The following ERC2 variants were observed in gnomAD, a reference collection of about 807,000 sequenced individuals.
ERC2 encodes ERC protein 2.
In ERC2, 42 loss-of-function variants were observed where a neutral mutation model predicts 114.8. The ratio of observed to expected loss-of-function variants is 0.37; its 90% CI spans 0.29 to 0.47. The LOEUF (loss-of-function observed/expected upper bound fraction) is 0.47. Among genes scored for constraint, ERC2 ranks in the 20% least tolerant of loss-of-function variants. ERC2 has a pLI of 0.99. For synonymous variants in ERC2, 454 were observed against 425.5 expected (o/e 1.07, Z -0.82); for missense variants, 939 against 1,150.7 (o/e 0.82, Z 2.66).
At chr3:55,653,102 T>C (rs2060707471) in intron 17 of ERC2, among the ~76,000 whole-genome samples, 1 of 152,166 alleles carries the variant, frequency 6.6e-6, no homozygotes, top group Non-Finnish European at 1.5e-5. Flanking sequence ...TAAATCTTGG[T>C]GGTAGGTGAA....
Position 56,019,004 on chromosome 3 carries a change from C to G in ERC2, c.1669G>C (p.Asp557His). The G allele has an allele frequency of 6.2e-7, 1 of 1,611,896 alleles. No homozygotes were observed. Among genetic ancestry groups the G allele is most frequent in the Non-Finnish European group, 8.5e-7 (1 of 1,178,974 alleles). ...KIENLQEQLR[D>H]KDKQLTNLKD... ...AGGTTGGTCAGTTGCTTGTCTTTAT[C>G]CCTAAGTTGTTCTTGCAAGTTTTCA... is the stretch of plus-strand genomic sequence containing the variant. The change falls in exon 8 of 18, where the codon GAT (aspartate) becomes CAT (histidine). Residue 557 changes from aspartate to histidine, a missense_variant. Asp to His is a moderately conservative substitution (Grantham distance 81). Transcript: ENST00000288221.
rs992980472 is a variant in ERC2 at position 55,549,477 on chromosome 3, C to T, written c.*40-38201G>A. Reference sequence around the variant, plus strand: ...AGATGCGGAGCAAATGCCGCCTTACCTTTTTTTTTTTTTTTTTTTTCCTGT... The same window carrying T: ...AGATGCGGAGCAAATGCCGCCTTACTTTTTTTTTTTTTTTTTTTTTCCTGT... On this transcript the variant is annotated intron_variant, in intron 17 of 17. Transcript: ENST00000288221. Among the ~76,000 whole-genome samples the T allele has an allele frequency of 2.4e-5, 3 of 123,222 alleles. No homozygotes were observed. In the East Asian group the frequency reaches 7.2e-4, roughly 30 times the overall value. The allele number at this position is 123,222 out of a possible 152,430, so 80.8% of individuals were successfully genotyped here.
chr3:55,946,375 A>T (rs139434351), intron 13 of ERC2, among the ~76,000 whole-genome samples: 59 of 152,316 alleles, frequency 3.9e-4, no homozygotes, highest in Admixed American at 7.2e-4. Flanking sequence ...ATGTTTTTTT[A>T]ATGCTTTATT....
chr3:56,350,179 C>T, intron 2 of ERC2, among the ~76,000 whole-genome samples: 1 of 152,146 alleles, frequency 6.6e-6, no homozygotes, highest in South Asian at 2.1e-4. Flanking sequence ...TTCCTTATCC[C>T]AACATGTCAC....
At chr3:56,402,050 T>C (rs1188430820) in intron 2 of ERC2, among the ~76,000 whole-genome samples, 1 of 152,140 alleles carries the variant, frequency 6.6e-6, no homozygotes, top group Non-Finnish European at 1.5e-5. Flanking sequence ...ATAAGACTTA[T>C]TCACTAATTC....
chr3:56,335,291 C>T (rs989330774), intron 2 of ERC2, among the ~76,000 whole-genome samples: 8 of 152,204 alleles, frequency 5.3e-5, no homozygotes, highest in African/African-American at 1.9e-4. Flanking sequence ...ACTGAAAACT[C>T]ACTTCCTCTC....
intron 17 of ERC2, among the ~76,000 whole-genome samples, chr3:55,619,448 G>T (rs1323819954): frequency 2.0e-5 from 3 of 152,172 alleles, no homozygotes; most frequent in Non-Finnish European, 4.4e-5. Flanking sequence ...GCACATTTCT[G>T]CATCTCCCTG....
At chr3:55,717,121 C>T (rs1337001383) in intron 15 of ERC2, among the ~76,000 whole-genome samples, 3 of 152,198 alleles carry the variant, frequency 2.0e-5, no homozygotes. Flanking sequence ...TTAGGAACTG[C>T]TGCTGCAGGT....
intron 7 of ERC2, among the ~76,000 whole-genome samples, chr3:56,030,795 C>T (rs1033798639): frequency 6.6e-6 from 1 of 151,894 alleles, no homozygotes; most frequent in African/African-American, 2.4e-5. Flanking sequence ...GTAATTATAC[C>T]CTCCGAATGG....
intron 17 of ERC2, among the ~76,000 whole-genome samples, chr3:55,538,939 T>C (rs910140488): frequency 2.0e-5 from 3 of 152,002 alleles, no homozygotes; most frequent in African/African-American, 7.3e-5. Flanking sequence ...ACGGAGAGTT[T>C]TGAAAGATCC....
intron 17 of ERC2, among the ~76,000 whole-genome samples, chr3:55,608,387 G>A (rs1489860455): frequency 6.6e-6 from 1 of 152,192 alleles, no homozygotes; most frequent in Non-Finnish European, 1.5e-5. Flanking sequence ...CCCCGTGCAT[G>A]TGCAAACACC....
intron 17 of ERC2, among the ~76,000 whole-genome samples, chr3:55,542,103 C>T (rs555497429): frequency 1.3e-4 from 20 of 152,274 alleles, no homozygotes; most frequent in African/African-American, 4.8e-4. Flanking sequence ...TATCTAAGAT[C>T]GCAGGATTTA....
chr3:55,988,180 C>T (rs1380901689), intron 11 of ERC2, among the ~76,000 whole-genome samples: 1 of 152,170 alleles, frequency 6.6e-6, no homozygotes, highest in African/African-American at 2.4e-5. Flanking sequence ...ATTTCACTGC[C>T]TCTAAGGTTT....
intron 3 of ERC2, among the ~76,000 whole-genome samples, chr3:56,212,952 C>T (rs2049172475): frequency 6.6e-6 from 1 of 152,180 alleles, no homozygotes; most frequent in Admixed American, 6.6e-5. Flanking sequence ...ATTCTATGTT[C>T]TCATTCATAA....
At chr3:55,574,132 C>T (rs769307192) in intron 17 of ERC2, among the ~76,000 whole-genome samples, 10 of 152,098 alleles carry the variant, frequency 6.6e-5, no homozygotes, top group Non-Finnish European at 1.2e-4. Context: ...ATTTTTTATC[C>T]TGGATTAGGT....
chr3:55,809,807 T>C (rs998909257), intron 14 of ERC2, among the ~76,000 whole-genome samples: 1 of 152,176 alleles, frequency 6.6e-6, no homozygotes, highest in Non-Finnish European at 1.5e-5. Flanking sequence ...GGCCACATTT[T>C]TGATCCCCCA....
intron 7 of ERC2, among the ~76,000 whole-genome samples, chr3:56,026,510 C>T (rs1305645683): frequency 6.6e-6 from 1 of 152,118 alleles, no homozygotes; most frequent in East Asian, 1.9e-4. Context: ...GCTAATATAA[C>T]AGTGTCATGA....
chr3:56,262,039 C>A (rs140898932), intron 3 of ERC2, among the ~76,000 whole-genome samples: 6 of 152,248 alleles, frequency 3.9e-5, no homozygotes, highest in African/African-American at 1.4e-4. Context: ...GCAAAGGACA[C>A]GATCTCATTC....
chr3:56,121,955 C>T (rs2079604799), intron 6 of ERC2, among the ~76,000 whole-genome samples: 1 of 152,166 alleles, frequency 6.6e-6, no homozygotes, highest in African/African-American at 2.4e-5. Flanking sequence ...TACAGCTCAG[C>T]CCCACTCCAG....
Sources: gnomAD v4.1 joint callset for allele counts (sites outside exome capture counted in the v4.1 genomes callset) on GRCh38, gnomAD v4.1.1 for gene constraint, MANE v1.5 for transcripts, NCBI Gene and HGNC (gene_info 2026-07-23, HGNC 2026-07-21) for gene names.